Variants in KCNH2 observed in about 807,000 individuals in gnomAD.
The protein encoded by KCNH2 is potassium voltage-gated channel subfamily H member 2, also known as voltage-gated inwardly rectifying potassium channel KCNH2.
In KCNH2, 35 loss-of-function variants were observed where a neutral mutation model predicts 95.9. The ratio of observed to expected loss-of-function variants is 0.37; its 90% CI spans 0.28 to 0.48. The LOEUF is 0.48. KCNH2 is among the 20% of genes least tolerant of loss of function. The pLI is 0.99. For missense variants in KCNH2, 1,274 were observed against 1,702.9 expected (o/e 0.75, Z 4.43); for synonymous variants, 786 against 754.7 (o/e 1.04, Z -0.68).
At chr7:150,960,120 C>A (rs1285213623) in intron 2 of KCNH2, among the ~76,000 whole-genome samples, 1 of 150,610 alleles carries the variant, frequency 6.6e-6, no homozygotes, top group Non-Finnish European at 1.5e-5. Flanking sequence ...TCAAGCGAGG[C>A]GCTGTAGCAC....
At chr7:150,969,761 G>A (rs187665402) in intron 2 of KCNH2, among the ~76,000 whole-genome samples, 1 of 152,326 alleles carries the variant, frequency 6.6e-6, no homozygotes, top group Admixed American at 6.5e-5. Context: ...AGAGGGACAG[G>A]GAACCTCCTC....
intron 2 of KCNH2, among the ~76,000 whole-genome samples, chr7:150,970,727 G>A (rs771895080): frequency 2.6e-5 from 4 of 152,196 alleles, no homozygotes; most frequent in Non-Finnish European, 4.4e-5. Flanking sequence ...ACTCAGCCCT[G>A]TCTCCAGGCT....
chr7:150,975,588 C>G (rs1438005915), intron 1 of KCNH2, among the ~76,000 whole-genome samples: 1 of 151,656 alleles, frequency 6.6e-6, no homozygotes, highest in Non-Finnish European at 1.5e-5. Flanking sequence ...CACCTAAGGA[C>G]GCTGCATCTC....
intron 11 of KCNH2, 141 bp downstream of exon 11, chr7:150,948,303 G>A: frequency 1.4e-6 from 1 of 729,924 alleles, no homozygotes; most frequent in Non-Finnish European, 2.4e-6. Flanking sequence ...CATCTGGACA[G>A]CTGGGGTGTG....
Position 150,962,817 on chromosome 7 carries a change from A to C in KCNH2, c.308-3081T>G, listed in dbSNP as rs1200422061. ...GCGATCATCAAGGGGATGTGGAAGGAAGGAAAGTAGGGGCCCCAGATAGGC... is the reference window on the plus strand; with the variant it reads ...GCGATCATCAAGGGGATGTGGAAGGCAGGAAAGTAGGGGCCCCAGATAGGC... On this transcript the variant is annotated intron_variant, in intron 2 of 14. Coordinates refer to ENST00000262186, the MANE Select transcript of KCNH2 (RefSeq NM_000238.4). The surrounding 1 kb of genome is among the most constrained non-coding windows in gnomAD (Gnocchi z 5.7). Among the ~76,000 whole-genome samples, 1 of 152,048 alleles carries C rather than the reference A, an allele frequency of 6.6e-6. No individual in the cohort carries two copies. The highest frequency in any genetic ancestry group is 2.4e-5 in the African/African-American group (1 of 41,388).
intron 5 of KCNH2, chr7:150,955,855 C>T (rs1444480383): frequency 5.8e-6 from 6 of 1,038,012 alleles, no homozygotes; most frequent in Admixed American, 5.7e-5. Flanking sequence ...TCCCCACCCC[C>T]ACCCCGCCAC....
chr7:150,947,590 C>CCGT lies in KCNH2; in HGVS notation c.2965+13_2965+15dup, dbSNP rs1563146733. 6.2e-7 allele frequency: 1 copy of CCGT among 1,611,552 alleles called. No individual in the cohort carries two copies. Among genetic ancestry groups the CCGT allele is most frequent in the Admixed American group, 1.7e-5 (1 of 59,828 alleles). ...CCACGCCCGGTCCTCCCTCGCCCGCCCGTCGCCCGGGATACCTGACAGGGG... is the reference window on the plus strand; with the variant it reads ...CCACGCCCGGTCCTCCCTCGCCCGCCCGTCGTCGCCCGGGATACCTGACAGGGG... On this transcript the variant is annotated intron_variant, in intron 12 of 14. Coordinates refer to ENST00000262186, the MANE Select transcript of KCNH2 (RefSeq NM_000238.4).
chr7:150,954,922 C>T (rs574200313), intron 5 of KCNH2, among the ~76,000 whole-genome samples: 1 of 152,230 alleles, frequency 6.6e-6, no homozygotes, highest in Non-Finnish European at 1.5e-5. Context: ...GGCTTCCGCA[C>T]ATTCCAGCCT....
rs1486749588 is a variant in KCNH2, at chr7:150,952,918, G to T, written c.1129-65C>A. 4 of 1,497,366 alleles carry T rather than the reference G, an allele frequency of 2.7e-6. No individual in the cohort carries two copies. In the East Asian group the frequency reaches 6.8e-5, roughly 25 times the overall value. 92.8% of individuals were successfully genotyped at this position (1,497,366 alleles called of 1,614,324 possible). ...ATGGGACCTCGGGGGCAGGAGCGAT[G>T]ACATCTCTGCCGGGGCCAAGCAGAA... On this transcript the variant is annotated intron_variant, in intron 5 of 14. Transcript: ENST00000262186. This position sits in a 1 kb window ranked among gnomAD's most constrained non-coding sequence, Gnocchi z 7.3.
At chr7:150,956,687 T>G (rs532049204) in intron 5 of KCNH2, among the ~76,000 whole-genome samples, 2 of 152,302 alleles carry the variant, frequency 1.3e-5, no homozygotes, top group South Asian at 4.1e-4. Context: ...CTTCCATATC[T>G]TTGTACCCAC....
rs1801327226 is a variant in KCNH2, at chr7:150,955,276, T to A, written c.1128+2015A>T. On this transcript the variant is annotated intron_variant, in intron 5 of 14. Transcript: ENST00000262186. ...GGTGAGCAGGGCCAGGCCCCACGGC[T>A]CCCAAAGCTTCCTACTTCCCAGCAG... 5.8e-6 allele frequency: 6 copies of A among 1,027,478 alleles called. No individual in the cohort carries two copies. The South Asian group carries it at 8.2e-5, about 14-fold the overall frequency. The allele number at this position is 1,027,478 out of a possible 1,614,324, so 63.6% of individuals were successfully genotyped here.
At chr7:150,968,167 G>GCTC (rs1451930389) in intron 2 of KCNH2, among the ~76,000 whole-genome samples, 1 of 152,246 alleles carries the variant, frequency 6.6e-6, no homozygotes, top group Admixed American at 6.5e-5. Flanking sequence ...GGAATCTCGA[G>GCTC]CTCTGAGAAG....
At chr7:150,955,536 T>C (rs1453172290) in intron 5 of KCNH2, 1 of 1,529,500 alleles carries the variant, frequency 6.5e-7, no homozygotes, top group Non-Finnish European at 8.8e-7. Context: ...CTGCCTGCCC[T>C]GGGGCCTGAG....
At chr7:150,965,065 C>T (rs555916808) in intron 2 of KCNH2, among the ~76,000 whole-genome samples, 80 of 151,260 alleles carry the variant, frequency 5.3e-4, no homozygotes, top group African/African-American at 9.7e-4. Context: ...TGTGTGTGTG[C>T]GCGCGTGTGT....
At chr7:150,955,655 G>A in intron 5 of KCNH2, 1 of 1,407,630 alleles carries the variant, frequency 7.1e-7, no homozygotes, top group Non-Finnish European at 9.2e-7. Context: ...AGCCAGGGTG[G>A]TTGTGGCTGG....
At chr7:150,948,292 G>T in intron 11 of KCNH2, 152 bp downstream of exon 11, 2 of 707,836 alleles carry the variant, frequency 2.8e-6, no homozygotes, top group Non-Finnish European at 5.0e-6. Context: ...AAGATGGGCA[G>T]CATCTGGACA....
rs1554430915 is a variant in KCNH2, at chr7:150,974,778, C to T, written c.240G>A (p.Ala80=). 5.0e-6 allele frequency: 8 copies of T among 1,605,066 alleles called. No homozygotes were observed. The highest frequency in any genetic ancestry group is 6.0e-6 in the Non-Finnish European group (7 of 1,176,158). Residue 80 remains alanine (A), a synonymous_variant, in exon 2 of 15, where the codon GCG becomes GCA. Coordinates refer to ENST00000262186, the MANE Select transcript of KCNH2 (RefSeq NM_000238.4). ...HGPRTQRRAA[A]QIAQALLGAE... The stretch of plus-strand genomic sequence containing the variant: ...CGCCCAGCAGTGCCTGCGCGATCTG[C>T]GCGGCAGCGCGGCGCTGCGTGCGCG...
In KCNH2 at chr7:150,947,914, G is replaced by A. The variant is rs750567794; in HGVS notation, c.2693-36C>T. ...CAGAGAATGGGCCTCAGAGAGGGGA[G>A]GAGAACAGAGAGGAGGGGGCGAGGG... is the stretch of plus-strand genomic sequence containing the variant. On this transcript the variant is annotated intron_variant, in intron 11 of 14. Coordinates refer to ENST00000262186, the MANE Select transcript of KCNH2 (RefSeq NM_000238.4). 4.6e-6 allele frequency: 7 copies of A among 1,525,344 alleles called. No homozygotes were observed. In the South Asian group the frequency reaches 4.8e-5, roughly 11 times the overall value. 94.5% of individuals were successfully genotyped at this position (1,525,344 alleles called of 1,614,324 possible).
chr7:150,969,964 C>G (rs1020427776), intron 2 of KCNH2, among the ~76,000 whole-genome samples: 1 of 152,164 alleles, frequency 6.6e-6, no homozygotes, highest in Non-Finnish European at 1.5e-5. Context: ...TGTCCCAGCA[C>G]CCCTCCCTCT....
Sources: allele counts gnomAD v4.1 joint callset (sites outside exome capture counted in the v4.1 genomes callset), GRCh38; gene constraint gnomAD v4.1.1; non-coding constraint Gnocchi (gnomAD v3.1); transcripts MANE v1.5; gene names NCBI Gene and HGNC (gene_info 2026-07-23, HGNC 2026-07-21).